The following NDUFAF7 variants were observed in gnomAD, a reference collection of about 807,000 sequenced individuals.
The protein encoded by NDUFAF7 is protein arginine methyltransferase NDUFAF7, mitochondrial.
A neutral mutation model predicts 47.2 loss-of-function variants in NDUFAF7; 48 were observed. That is an observed-to-expected ratio of 1.02 (90% CI 0.81 to 1.29). NDUFAF7 has a LOEUF of 1.29. Ranked by LOEUF, NDUFAF7 falls within the 50% of genes most tolerant of loss-of-function variation. The pLI is 0.00. For synonymous variants in NDUFAF7, 217 were observed against 190.0 expected, an observed-to-expected ratio of 1.14 and a Z score of -1.17; for missense variants, 635 against 537.6, an observed-to-expected ratio of 1.18 and a Z score of -1.79.
chr2:37,247,214 G>T, intron 8 of NDUFAF7: 1 of 548,452 alleles, frequency 1.8e-6, no homozygotes, highest in African/African-American at 1.9e-5. Flanking sequence ...TGAAAAGGAC[G>T]TGATTTCATT....
the NDUFAF7 span, among the ~76,000 whole-genome samples, chr2:37,270,864 A>G: frequency 6.6e-6 from 1 of 152,230 alleles, no homozygotes; most frequent in East Asian, 1.9e-4. Flanking sequence ...GTGTATATAT[A>G]TTTGTTAAAC....
downstream of NDUFAF7, chr2:37,250,453 A>C (rs1378493158): frequency 6.6e-6 from 1 of 152,192 alleles, no homozygotes; most frequent in Non-Finnish European, 1.5e-5. Flanking sequence ...GTAGTTTCTG[A>C]AAAAGTTATA....
At chr2:37,240,835 T>C (rs1411944783) in intron 4 of NDUFAF7, among the ~76,000 whole-genome samples, 1 of 152,166 alleles carries the variant, frequency 6.6e-6, no homozygotes, top group Non-Finnish European at 1.5e-5. Context: ...TCTGAAGGAA[T>C]TTCTCCTGGG....
the NDUFAF7 span, among the ~76,000 whole-genome samples, chr2:37,267,110 T>C: frequency 7.4e-4 from 112 of 152,334 alleles, 1 homozygote; most frequent in Admixed American, 1.1e-3. Flanking sequence ...ACTTGCACAG[T>C]AATTGCTATG....
At chr2:37,263,189 G>C in the NDUFAF7 span, among the ~76,000 whole-genome samples, 11 of 152,024 alleles carry the variant, frequency 7.2e-5, no homozygotes, top group African/African-American at 2.7e-4. Context: ...TTTTCTGAAA[G>C]ACAGTACAAA....
Position 37,249,098 on chromosome 2 carries a change from G to A in NDUFAF7, c.*748G>A, listed in dbSNP as rs1284452950. 4 of 152,352 alleles carry A rather than the reference G, an allele frequency of 2.6e-5. No individual in the cohort carries two copies. The highest frequency in any genetic ancestry group is 5.9e-5 in the Non-Finnish European group (4 of 68,062). 9.4% of individuals were successfully genotyped at this position (152,352 alleles called of 1,614,324 possible). On this transcript the variant is annotated 3_prime_UTR_variant, in exon 10 of 10. Coordinates refer to ENST00000002125, the MANE Select transcript of NDUFAF7 (RefSeq NM_144736.5). Reference sequence around the variant, plus strand: ...AAAGTAGGATGCAAGAGTTTTTATAGTTGATTCCATTTTTGTTGAAGGAGA... The same window carrying A: ...AAAGTAGGATGCAAGAGTTTTTATAATTGATTCCATTTTTGTTGAAGGAGA...
downstream of NDUFAF7, among the ~76,000 whole-genome samples, chr2:37,255,621 TATA>T (rs1667868421): frequency 6.6e-6 from 1 of 152,126 alleles, no homozygotes; most frequent in Non-Finnish European, 1.5e-5. Context: ...TCATTCTAGG[TATA>T]AGGAACCGGA....
intron 4 of NDUFAF7, among the ~76,000 whole-genome samples, chr2:37,238,086 A>G (rs980906620): frequency 6.6e-6 from 1 of 152,194 alleles, no homozygotes. Flanking sequence ...AATAGGAAAC[A>G]TTTAGAAGAC....
At chr2:37,247,837 TTTTG>T (rs1377871316) in intron 9 of NDUFAF7, among the ~76,000 whole-genome samples, 1 of 152,182 alleles carries the variant, frequency 6.6e-6, no homozygotes, top group African/African-American at 2.4e-5. Context: ...CAAATAGTGT[TTTTG>T]TTTGTTAAGA....
At position 37,231,662 on chromosome 2, in the gene NDUFAF7, A is replaced by T; in HGVS notation, c.-44A>T. ...GCGTGTCTTCTCCCGGAAATGGTCT[A>T]AGCCCCAGCTCCTGGCGGAGCGAGC... On this transcript the variant is annotated 5_prime_UTR_variant, in exon 1 of 10. Transcript: ENST00000002125. 6.2e-7 allele frequency: 1 copy of T among 1,613,974 alleles called. No homozygotes were observed. The highest frequency in any genetic ancestry group is 8.5e-7 in the Non-Finnish European group (1 of 1,179,944).
At chr2:37,237,508 A>G (rs1391534256) in intron 3 of NDUFAF7, among the ~76,000 whole-genome samples, 1 of 152,188 alleles carries the variant, frequency 6.6e-6, no homozygotes, top group Non-Finnish European at 1.5e-5. Flanking sequence ...CCTCTTATCT[A>G]TGTCATGGGA....
rs2148375908 is a variant in NDUFAF7, at chr2:37,232,382, A to G, written c.216+116A>G. ...GGCAGTGGGGGTGCCTGCCAGGGGA[A>G]GAGCCATTTCTGAGGACCTGGGGAC... is the stretch of plus-strand genomic sequence containing the variant. On this transcript the variant is annotated intron_variant, in intron 2 of 9. Transcript: ENST00000002125. 3 of 1,368,302 alleles carry G rather than the reference A, an allele frequency of 2.2e-6. No individual in the cohort carries two copies. The East Asian group carries it at 6.9e-5, about 31-fold the overall frequency. The allele number at this position is 1,368,302 out of a possible 1,614,324, so 84.8% of individuals were successfully genotyped here. A position where few individuals can be genotyped will look rare whatever the true frequency, so the allele number is the denominator to read the frequency against.
At chr2:37,254,446 A>G (rs1667772654), downstream of NDUFAF7, among the ~76,000 whole-genome samples, 1 of 152,236 alleles carries the variant, frequency 6.6e-6, no homozygotes. Flanking sequence ...AAAATGAATC[A>G]TAAATGTTTA....
downstream of NDUFAF7, chr2:37,257,001 C>T (rs1415923746): frequency 5.4e-6 from 8 of 1,483,998 alleles, no homozygotes; most frequent in African/African-American, 1.4e-5. Flanking sequence ...CTAAATATAA[C>T]ACTGTATGTA....
the NDUFAF7 span, among the ~76,000 whole-genome samples, chr2:37,267,168 T>C: frequency 6.6e-6 from 1 of 152,216 alleles, no homozygotes; most frequent in African/African-American, 2.4e-5. Flanking sequence ...AGCAACCTTC[T>C]GACAAAATGT....
At chr2:37,234,388 G>T (rs921154452) in intron 2 of NDUFAF7, among the ~76,000 whole-genome samples, 1 of 151,806 alleles carries the variant, frequency 6.6e-6, no homozygotes, top group Non-Finnish European at 1.5e-5. Context: ...CACTGTGCGC[G>T]GCCTAATTAT....
At chr2:37,270,251 T>A in the NDUFAF7 span, among the ~76,000 whole-genome samples, 1 of 151,472 alleles carries the variant, frequency 6.6e-6, no homozygotes, top group African/African-American at 2.4e-5. Flanking sequence ...ATCTTGTATT[T>A]ATTAAGTAGT....
chr2:37,242,402 A>G (rs984584134), intron 5 of NDUFAF7: 2 of 387,060 alleles, frequency 5.2e-6, no homozygotes, highest in Non-Finnish European at 9.4e-6. Context: ...TGTGATGAAT[A>G]AAAGCTTTAA....
chr2:37,261,983 T>A, the NDUFAF7 span, among the ~76,000 whole-genome samples: 1 of 152,200 alleles, frequency 6.6e-6, no homozygotes, highest in Non-Finnish European at 1.5e-5. Flanking sequence ...TTGTGTTAGA[T>A]GATTTTGCCC....
Sources: allele counts gnomAD v4.1 joint callset (sites outside exome capture counted in the v4.1 genomes callset), GRCh38; gene constraint gnomAD v4.1.1; transcripts MANE v1.5; gene names NCBI Gene and HGNC (gene_info 2026-07-23, HGNC 2026-07-21).